The following PCBP2 variants were observed in gnomAD, a reference collection of about 807,000 sequenced individuals.
PCBP2 encodes the protein poly(rC)-binding protein 2.
PCBP2 carries 4 observed loss-of-function variants against 50.1 expected under a neutral mutation model. The ratio of observed to expected loss-of-function variants is 0.08; its 90% CI spans 0.04 to 0.18. The LOEUF (loss-of-function observed/expected upper bound fraction) is 0.18, where lower values mean the gene tolerates loss of function less well. Among genes scored for constraint, PCBP2 ranks in the 10% least tolerant of loss-of-function variants. The probability of loss-of-function intolerance (pLI) is 1.00; values close to 1 mark genes in which losing one functional copy is unlikely to be tolerated. For missense variants in PCBP2, 161 were observed against 474.3 expected (o/e 0.34, Z 6.14); for synonymous variants, 179 against 168.0 (o/e 1.07, Z -0.51).
chr12:53,455,355 C>T lies in PCBP2; in HGVS notation c.78C>T (p.Gly26=). ...AGTTTTCTCCATTGCAGGAAGTTGG[C>T]AGTATCATCGGAAAGGTAAGACAAT... The part of the protein sequence containing the change: ...IRLLMHGKEV[G]SIIGKKGESV... The change falls in exon 3 of 15, where the codon GGC becomes GGT. Residue 26 remains glycine (G), a synonymous_variant. Coordinates refer to ENST00000546463, the MANE Select transcript of PCBP2 (RefSeq NM_031989.5). The T allele has an allele frequency of 2.5e-6, 4 of 1,613,752 alleles. No individual in the cohort carries two copies. Among genetic ancestry groups the T allele is most frequent in the Non-Finnish European group, 3.4e-6 (4 of 1,179,718 alleles).
intron 1 of PCBP2, among the ~76,000 whole-genome samples, chr12:53,454,004 A>T (rs1940793924): frequency 6.6e-6 from 1 of 152,236 alleles, no homozygotes; most frequent in Admixed American, 6.5e-5. Context: ...GATGGTAAAC[A>T]CAAAAGCAAG....
At chr12:53,467,507 C>A in intron 11 of PCBP2, 2 of 630,696 alleles carry the variant, frequency 3.2e-6, no homozygotes, top group Non-Finnish European at 2.8e-6. Context: ...AAAAAAAAGC[C>A]CTGGAAGGTT....
intron 8 of PCBP2, among the ~76,000 whole-genome samples, chr12:53,463,629 T>C (rs1941604990): frequency 1.3e-5 from 2 of 152,210 alleles, no homozygotes; most frequent in South Asian, 4.1e-4. Flanking sequence ...TGAATATCCA[T>C]GGATATTTGT....
At chr12:53,455,515 T>C (rs1269051780) in intron 4 of PCBP2, 22 bp downstream of exon 4, 5 of 1,612,098 alleles carry the variant, frequency 3.1e-6, no homozygotes, top group Non-Finnish European at 4.2e-6. Context: ...AAGACTGAGA[T>C]TGTTAACTTT....
chr12:53,468,917 CTTTT>C (rs5798266), intron 13 of PCBP2, 85 bp downstream of exon 13: 138 of 574,164 alleles, frequency 2.4e-4, no homozygotes, highest in East Asian at 4.1e-4. Context: ...TCCTGCTACC[CTTTT>C]TTTTTTTTTT....
chr12:53,461,499 A>T (rs922681005), intron 7 of PCBP2, among the ~76,000 whole-genome samples: 2 of 152,202 alleles, frequency 1.3e-5, no homozygotes, highest in African/African-American at 4.8e-5. Flanking sequence ...TGGAAATTTG[A>T]CATGTTCTTT....
chr12:53,464,512 G>A (rs949762192), intron 8 of PCBP2: 1 of 452,594 alleles, frequency 2.2e-6, no homozygotes, highest in African/African-American at 2.1e-5. Context: ...CTGACCAGGA[G>A]CTGGCATCAG....
At position 53,456,011 on chromosome 12, in the gene PCBP2, C is replaced by T. The variant is rs370244914; in HGVS notation, c.243+10C>T. 4.2e-6 allele frequency: 6 copies of T among 1,423,688 alleles called. No homozygotes were observed. The African/African-American group carries it at 5.6e-5, about 13-fold the overall frequency. The allele number at this position is 1,423,688 out of a possible 1,614,324, so 88.2% of individuals were successfully genotyped here. A position where few individuals can be genotyped will look rare whatever the true frequency, so the allele number is the denominator to read the frequency against. ...TGACAAACTGGAAGAGGTTTGTTGT[C>T]TCCCACTCCCTCATTCTTCATTTTT... On this transcript the variant is annotated intron_variant, in intron 5 of 14. Transcript: ENST00000546463.
chr12:53,466,333 A>G (rs145457963), intron 10 of PCBP2, among the ~76,000 whole-genome samples: 372 of 152,240 alleles, frequency 2.4e-3, no homozygotes, highest in African/African-American at 8.4e-3. Context: ...TCTCTTTTCC[A>G]TGAGGGTAAT....
chr12:53,481,156 CTATG>C lies in PCBP2; in HGVS notation c.*1717_*1720del. ...ATATATAATTTATATAAATATTTCT[CTATG>C]TACAAGGAATACGAGTGGCTTTCAT... On this transcript the variant is annotated 3_prime_UTR_variant, in exon 15 of 15. Transcript: ENST00000546463. The C allele has an allele frequency of 8.6e-7, 1 of 1,160,530 alleles. No individual in the cohort carries two copies. Among genetic ancestry groups the C allele is most frequent in the Non-Finnish European group, 1.1e-6 (1 of 879,970 alleles). The allele number at this position is 1,160,530 out of a possible 1,614,324, so 71.9% of individuals were successfully genotyped here. A position where few individuals can be genotyped will look rare whatever the true frequency, so the allele number is the denominator to read the frequency against.
rs999386091 is a variant in PCBP2 at position 53,480,978 on chromosome 12, G to C, written c.*1536G>C. 1.1e-5 allele frequency: 2 copies of C among 186,680 alleles called. No individual in the cohort carries two copies. The highest frequency in any genetic ancestry group is 2.1e-5 in the Non-Finnish European group (2 of 93,532). 11.6% of individuals were successfully genotyped at this position (186,680 alleles called of 1,614,324 possible). Reference sequence around the variant, plus strand: ...GCTTGCCCTTAGCCACAGCTCTACGGCTGTGCCTCATTCATTTCCACAGCT... The same window carrying C: ...GCTTGCCCTTAGCCACAGCTCTACGCCTGTGCCTCATTCATTTCCACAGCT... On this transcript the variant is annotated 3_prime_UTR_variant, in exon 15 of 15. Transcript: ENST00000546463.
rs892885462 is a variant in PCBP2 at position 53,471,488 on chromosome 12, C to T, written c.883-150C>T. The T allele has an allele frequency of 1.0e-5, 7 of 669,568 alleles. No individual in the cohort carries two copies. In the African/African-American group the frequency reaches 1.4e-4, roughly 13 times the overall value. 41.5% of individuals were successfully genotyped at this position (669,568 alleles called of 1,614,324 possible). A position where few individuals can be genotyped will look rare whatever the true frequency, so the allele number is the denominator to read the frequency against. On this transcript the variant is annotated intron_variant, in intron 13 of 14. Transcript: ENST00000546463. ...GCTGAGGCAGGTGAATTGCTCAAAT[C>T]CAGGAGGCTGAGGTTGCACAGTGAG...
chr12:53,468,133 G>C, intron 12 of PCBP2: 1 of 331,704 alleles, frequency 3.0e-6, no homozygotes. Flanking sequence ...ACGGGTATTT[G>C]CTGATGGGAT....
intron 6 of PCBP2, chr12:53,460,442 G>A: frequency 3.5e-6 from 1 of 288,302 alleles, no homozygotes; most frequent in Non-Finnish European, 7.1e-6. Flanking sequence ...CACTGTGCCT[G>A]GCCCCTACTT....
At chr12:53,474,735 A>G (rs1942457318) in intron 14 of PCBP2, 1 of 335,126 alleles carries the variant, frequency 3.0e-6, no homozygotes, top group African/African-American at 2.2e-5. Context: ...ACAAGTTGAC[A>G]CTAGGTCTTC....
chr12:53,453,178 GA>G (rs1395057234), intron 1 of PCBP2: 1 of 151,076 alleles, frequency 6.6e-6, no homozygotes, highest in Non-Finnish European at 1.5e-5. Context: ...TTTACCTCAA[GA>G]AATGGCTTCA....
intron 4 of PCBP2, 146 bp downstream of exon 4, chr12:53,455,639 G>A (rs1940949402): frequency 2.3e-6 from 2 of 872,772 alleles, no homozygotes; most frequent in Non-Finnish European, 3.6e-6. Context: ...GATAATCTGG[G>A]GAGTGTATTT....
At chr12:53,460,356 G>T (rs1047831424) in intron 6 of PCBP2, 1 of 388,178 alleles carries the variant, frequency 2.6e-6, no homozygotes, top group South Asian at 1.8e-5. Context: ...TTTTGCTCAG[G>T]CTGGTCTCCA....
At chr12:53,466,615 C>CAACTTCGGGAAGTTGAGT (rs1391241555) in intron 10 of PCBP2, among the ~76,000 whole-genome samples, 4 of 152,252 alleles carry the variant, frequency 2.6e-5, no homozygotes, top group Admixed American at 6.5e-5. Flanking sequence ...GAGTTTCGGT[C>CAACTTCGGGAAGTTGAGT]TTGGTTAGTG....
Sources: gnomAD v4.1 joint callset for allele counts (sites outside exome capture counted in the v4.1 genomes callset) on GRCh38, gnomAD v4.1.1 for gene constraint, MANE v1.5 for transcripts, NCBI Gene and HGNC (gene_info 2026-07-23, HGNC 2026-07-21) for gene names.